The following SMYD3 variants were observed in gnomAD, a reference collection of about 807,000 sequenced individuals.
The protein encoded by SMYD3 is histone-lysine N-methyltransferase SMYD3.
A neutral mutation model predicts 57.7 loss-of-function variants in SMYD3; 36 were observed. The ratio of observed to expected loss-of-function variants is 0.62; its 90% CI spans 0.48 to 0.82. The LOEUF (loss-of-function observed/expected upper bound fraction) is 0.82, where lower values mean the gene tolerates loss of function less well. Ranked by LOEUF, SMYD3 falls within the 40% of genes least tolerant of loss-of-function variation. The pLI is 0.00. For synonymous variants in SMYD3, 211 were observed against 195.0 expected, an observed-to-expected ratio of 1.08 and a Z score of -0.68; for missense variants, 515 against 538.8, an observed-to-expected ratio of 0.96 and a Z score of 0.44.
intron 5 of SMYD3, among the ~76,000 whole-genome samples, chr1:245,999,625 T>C (rs1444115455): frequency 6.7e-6 from 1 of 150,030 alleles, no homozygotes; most frequent in African/African-American, 2.5e-5. Context: ...AGAAAAAGGA[T>C]TTAAGGATAG....
intron 1 of SMYD3, among the ~76,000 whole-genome samples, chr1:246,431,565 A>AC (rs1465221304): frequency 1.3e-5 from 2 of 152,080 alleles, no homozygotes; most frequent in African/African-American, 4.8e-5. Context: ...CCCTATCTCT[A>AC]CTAAAAATAC....
intron 10 of SMYD3, among the ~76,000 whole-genome samples, chr1:245,806,861 G>T (rs900117144): frequency 1.6e-5 from 2 of 127,890 alleles, no homozygotes; most frequent in Admixed American, 1.8e-4. Flanking sequence ...AGTGAGCCGA[G>T]ATCGCGCCAC....
intron 5 of SMYD3, among the ~76,000 whole-genome samples, chr1:245,965,630 C>G (rs1427495791): frequency 2.6e-5 from 4 of 152,112 alleles, no homozygotes; most frequent in Non-Finnish European, 4.4e-5. Flanking sequence ...AGAAGCCAAT[C>G]TGAAACACTT....
At chr1:246,089,247 G>A (rs2060779327) in intron 5 of SMYD3, among the ~76,000 whole-genome samples, 1 of 152,074 alleles carries the variant, frequency 6.6e-6, no homozygotes, top group African/African-American at 2.4e-5. Flanking sequence ...CCAAAGCGCT[G>A]GGATTACATG....
At chr1:246,166,315 G>C (rs1046605233) in intron 5 of SMYD3, among the ~76,000 whole-genome samples, 1 of 152,156 alleles carries the variant, frequency 6.6e-6, no homozygotes, top group Non-Finnish European at 1.5e-5. Flanking sequence ...GTACATGTTT[G>C]TATAGGGTTC....
chr1:246,341,678 T>C (rs2065635508), intron 2 of SMYD3, among the ~76,000 whole-genome samples: 1 of 152,236 alleles, frequency 6.6e-6, no homozygotes, highest in Admixed American at 6.5e-5. Context: ...GATGTTACAC[T>C]AATAAGAGAA....
intron 5 of SMYD3, among the ~76,000 whole-genome samples, chr1:246,239,405 T>A (rs1234495334): frequency 6.6e-6 from 1 of 152,170 alleles, no homozygotes; most frequent in Non-Finnish European, 1.5e-5. Context: ...GCTTCATCCA[T>A]GTCCCTACAA....
intron 5 of SMYD3, among the ~76,000 whole-genome samples, chr1:245,942,797 G>A (rs1488083948): frequency 1.3e-5 from 2 of 152,120 alleles, no homozygotes; most frequent in East Asian, 3.8e-4. Context: ...TCAGACCACA[G>A]CACAATCAAA....
intron 5 of SMYD3, among the ~76,000 whole-genome samples, chr1:246,070,254 C>G (rs2060419938): frequency 6.6e-6 from 1 of 152,118 alleles, no homozygotes; most frequent in African/African-American, 2.4e-5. Context: ...TAACATTCAT[C>G]TTACTTTTAT....
chr1:246,125,072 A>G (rs1335793434), intron 5 of SMYD3, among the ~76,000 whole-genome samples: 1 of 55,612 alleles, frequency 1.8e-5, no homozygotes, highest in Non-Finnish European at 4.7e-5. Flanking sequence ...ACTCCGTCTC[A>G]AAAAAAAAAA....
intron 10 of SMYD3, among the ~76,000 whole-genome samples, chr1:245,772,793 C>T (rs2046388095): frequency 6.6e-6 from 1 of 152,072 alleles, no homozygotes; most frequent in Non-Finnish European, 1.5e-5. Flanking sequence ...TTTCAATTAT[C>T]TGAAATGTCC....
At chr1:246,126,967 CA>C (rs1431153505) in intron 5 of SMYD3, among the ~76,000 whole-genome samples, 1 of 151,878 alleles carries the variant, frequency 6.6e-6, no homozygotes, top group African/African-American at 2.4e-5. Context: ...GGGGATATTC[CA>C]AAACACATTA....
intron 1 of SMYD3, among the ~76,000 whole-genome samples, chr1:246,434,339 A>C (rs2067339117): frequency 6.6e-6 from 1 of 152,272 alleles, no homozygotes; most frequent in Non-Finnish European, 1.5e-5. Flanking sequence ...TTATCAACAG[A>C]GTAAACAGAC....
chr1:246,083,190 C>T (rs531057334), intron 5 of SMYD3, among the ~76,000 whole-genome samples: 22 of 151,924 alleles, frequency 1.4e-4, no homozygotes, highest in East Asian at 3.9e-4. Context: ...GTCTCCTGCT[C>T]GTCCCTGGGC....
chr1:246,037,500 C>A (rs1379127460), intron 5 of SMYD3, among the ~76,000 whole-genome samples: 2 of 152,164 alleles, frequency 1.3e-5, no homozygotes, highest in Non-Finnish European at 2.9e-5. Context: ...ATATCTTTCC[C>A]ATTTCCATCC....
chr1:245,809,500 G>T (rs903697154), intron 10 of SMYD3, among the ~76,000 whole-genome samples: 1 of 152,192 alleles, frequency 6.6e-6, no homozygotes, highest in Non-Finnish European at 1.5e-5. Flanking sequence ...GTGAACCAAA[G>T]AAGTGCCCCT....
At chr1:246,470,841 T>G (rs2067952541) in intron 1 of SMYD3, among the ~76,000 whole-genome samples, 1 of 152,124 alleles carries the variant, frequency 6.6e-6, no homozygotes, top group African/African-American at 2.4e-5. Flanking sequence ...GAATGTTAAG[T>G]ATTTTGGATT....
intron 5 of SMYD3, among the ~76,000 whole-genome samples, chr1:246,171,270 GT>G (rs992384730): frequency 6.6e-6 from 1 of 152,142 alleles, no homozygotes; most frequent in Non-Finnish European, 1.5e-5. Flanking sequence ...CCTATCAATT[GT>G]TTTTTATCTT....
At chr1:245,961,300 C>A (rs2058000777) in intron 5 of SMYD3, among the ~76,000 whole-genome samples, 1 of 152,098 alleles carries the variant, frequency 6.6e-6, no homozygotes, top group Non-Finnish European at 1.5e-5. Flanking sequence ...TTTTACTTTC[C>A]TGACATCAGT....
Sources: allele counts gnomAD v4.1 joint callset (sites outside exome capture counted in the v4.1 genomes callset), GRCh38; gene constraint gnomAD v4.1.1; transcripts MANE v1.5; gene names NCBI Gene and HGNC (gene_info 2026-07-23, HGNC 2026-07-21).